TSPAN14: variants seen among roughly 807,000 people sequenced by gnomAD.
The protein encoded by TSPAN14 is tetraspanin 14.
Under a neutral mutation model 36.6 loss-of-function variants are expected in TSPAN14, and 16 were observed. That is an observed-to-expected ratio of 0.44 (90% CI 0.30 to 0.66). The LOEUF (loss-of-function observed/expected upper bound fraction) is 0.66, where lower values mean the gene tolerates loss of function less well. Among genes scored for constraint, TSPAN14 ranks in the 30% least tolerant of loss-of-function variants. The pLI, the probability that TSPAN14 is intolerant of heterozygous loss-of-function variation, is 0.12. For synonymous variants in TSPAN14, 139 were observed against 143.8 expected (o/e 0.97, Z 0.24); for missense variants, 231 against 355.1 (o/e 0.65, Z 2.81).
intron 1 of TSPAN14, among the ~76,000 whole-genome samples, chr10:80,456,402 AG>A (rs1564704675): frequency 6.6e-6 from 1 of 152,154 alleles, no homozygotes; most frequent in Non-Finnish European, 1.5e-5. Flanking sequence ...GGACTGGTGA[AG>A]GTCCTTCTCA....
chr10:80,513,264 T>G (rs1191494219), intron 6 of TSPAN14, among the ~76,000 whole-genome samples: 1 of 152,098 alleles, frequency 6.6e-6, no homozygotes, highest in African/African-American at 2.4e-5. Context: ...AGAAGCTGGG[T>G]TCTTGGGGTG....
chr10:80,497,735 G>C (rs576265764), intron 2 of TSPAN14, among the ~76,000 whole-genome samples: 1 of 152,196 alleles, frequency 6.6e-6, no homozygotes, highest in Non-Finnish European at 1.5e-5. Flanking sequence ...GGCTCAGTGG[G>C]GGTCAACTCT....
chr10:80,464,195 G>A (rs1481076991), intron 1 of TSPAN14, among the ~76,000 whole-genome samples: 1 of 152,182 alleles, frequency 6.6e-6, no homozygotes, highest in East Asian at 1.9e-4. Flanking sequence ...GCAGTGTCAG[G>A]GGTTGGTGTG....
intron 5 of TSPAN14, among the ~76,000 whole-genome samples, chr10:80,511,108 AG>A (rs541732208): frequency 4.3e-4 from 66 of 152,346 alleles, no homozygotes; most frequent in African/African-American, 1.5e-3. Flanking sequence ...GTCAGCTGTA[AG>A]GGCAAATGCA....
At chr10:80,507,845 A>G (rs1489749404) in intron 4 of TSPAN14, among the ~76,000 whole-genome samples, 1 of 152,184 alleles carries the variant, frequency 6.6e-6, no homozygotes, top group Non-Finnish European at 1.5e-5. Context: ...TTATATTTAG[A>G]TACAAATTCA....
intron 2 of TSPAN14, among the ~76,000 whole-genome samples, chr10:80,495,361 GTGTGTGTGTGTGTGTGTA>G (rs202245362): frequency 0.016 from 1,882 of 115,116 alleles, 14 homozygotes; most frequent in Middle Eastern, 0.039. Flanking sequence ...GTGTGTGTGT[GTGTGTGTGTGTGTGTGTA>G]TGTACATGTG....
intron 1 of TSPAN14, among the ~76,000 whole-genome samples, chr10:80,484,324 TA>T (rs1847476235): frequency 6.6e-6 from 1 of 152,070 alleles, no homozygotes; most frequent in African/African-American, 2.4e-5. Context: ...TCCTTTTTTT[TA>T]AATTTTTTTA....
intron 1 of TSPAN14, among the ~76,000 whole-genome samples, chr10:80,463,465 T>C (rs1846084293): frequency 6.6e-6 from 1 of 152,248 alleles, no homozygotes; most frequent in Non-Finnish European, 1.5e-5. Flanking sequence ...TATTCCTCTC[T>C]TGTTTATTAC....
intron 2 of TSPAN14, among the ~76,000 whole-genome samples, chr10:80,499,568 G>A (rs1398981736): frequency 6.6e-6 from 1 of 152,156 alleles, no homozygotes; most frequent in African/African-American, 2.4e-5. Flanking sequence ...CTCTGTGGGT[G>A]GTAAGATACT....
intron 1 of TSPAN14, among the ~76,000 whole-genome samples, chr10:80,468,838 G>C (rs1019240213): frequency 3.3e-5 from 5 of 151,724 alleles, no homozygotes; most frequent in Non-Finnish European, 5.9e-5. Context: ...GGGATTACAG[G>C]CCCAAGCCAC....
rs576754982 is a variant in TSPAN14 at position 80,468,042 on chromosome 10, G to A, written c.-18+13671G>A. On this transcript the variant is annotated intron_variant, in intron 1 of 8. Transcript: ENST00000429989. ...TCCCCATTCCTCTTCTTTGGGGGTG[G>A]AGACTGTGTTTAAATTTTGCCTCTA... is the stretch of plus-strand genomic sequence containing the variant. 3.3e-4 allele frequency among the ~76,000 whole-genome samples: 51 copies of A among 152,282 alleles called. 1 individual carries two copies. The highest frequency in any genetic ancestry group is 6.3e-4 in the Non-Finnish European group (43 of 68,022).
intron 8 of TSPAN14, 28 bp from the exon 9 acceptor site, chr10:80,517,877 C>T: frequency 6.4e-7 from 1 of 1,554,066 alleles, no homozygotes; most frequent in Non-Finnish European, 8.7e-7. Flanking sequence ...CCAGCAATGG[C>T]CGCTGACTCT....
intron 1 of TSPAN14, among the ~76,000 whole-genome samples, chr10:80,472,413 GA>G (rs1846604523): frequency 6.6e-6 from 1 of 152,186 alleles, no homozygotes; most frequent in South Asian, 2.1e-4. Context: ...CGGTGATATT[GA>G]CAATGATCGC....
chr10:80,488,651 G>A (rs1215169106), intron 1 of TSPAN14, among the ~76,000 whole-genome samples: 2 of 152,148 alleles, frequency 1.3e-5, no homozygotes, highest in Non-Finnish European at 2.9e-5. Context: ...TGAGTATGGA[G>A]TCCTCATCTT....
At chr10:80,486,961 C>A (rs903661107) in intron 1 of TSPAN14, among the ~76,000 whole-genome samples, 2 of 152,142 alleles carry the variant, frequency 1.3e-5, no homozygotes, top group African/African-American at 4.8e-5. Flanking sequence ...GTGGCTCATG[C>A]AGGTAATCTC....
At chr10:80,471,007 C>T (rs566938621) in intron 1 of TSPAN14, among the ~76,000 whole-genome samples, 4 of 152,282 alleles carry the variant, frequency 2.6e-5, no homozygotes, top group Admixed American at 2.6e-4. Context: ...GATGTGCTGC[C>T]CTCATCTAGT....
intron 1 of TSPAN14, among the ~76,000 whole-genome samples, chr10:80,455,436 T>A (rs1845692486): frequency 6.6e-6 from 1 of 152,080 alleles, no homozygotes. Flanking sequence ...TTGGCAGTGG[T>A]CTGCTCTCCA....
intron 2 of TSPAN14, among the ~76,000 whole-genome samples, chr10:80,502,948 GCAGT>G (rs1275213371): frequency 6.6e-6 from 1 of 152,076 alleles, no homozygotes; most frequent in Non-Finnish European, 1.5e-5. Flanking sequence ...AGGGAGGAAG[GCAGT>G]CAGGGGCATA....
chr10:80,483,972 G>A (rs1451900403), intron 1 of TSPAN14, among the ~76,000 whole-genome samples: 2 of 138,558 alleles, frequency 1.4e-5, no homozygotes, highest in South Asian at 2.3e-4. Context: ...GGCCAGGCAC[G>A]GTGACTCACG....
Sources: gnomAD v4.1 joint callset for allele counts (sites outside exome capture counted in the v4.1 genomes callset) on GRCh38, gnomAD v4.1.1 for gene constraint, MANE v1.5 for transcripts, NCBI Gene and HGNC (gene_info 2026-07-23, HGNC 2026-07-21) for gene names.